The following RUFY1 variants were observed in gnomAD, a reference collection of about 807,000 sequenced individuals.
RUFY1 encodes RUN and FYVE domain containing 1.
RUFY1 carries 54 observed loss-of-function variants against 94.6 expected under a neutral mutation model. The ratio of observed to expected loss-of-function variants is 0.57; its 90% CI spans 0.46 to 0.72. The LOEUF (loss-of-function observed/expected upper bound fraction) is 0.72, where lower values mean the gene tolerates loss of function less well. RUFY1 is among the 30% of genes least tolerant of loss of function. The pLI is 0.00. For missense variants in RUFY1, 883 were observed against 883.9 expected (o/e 1.00, Z 0.01); for synonymous variants, 396 against 347.3 (o/e 1.14, Z -1.56).
chr5:179,605,406 G>C (rs1766960830), intron 15 of RUFY1, among the ~76,000 whole-genome samples: 1 of 152,126 alleles, frequency 6.6e-6, no homozygotes, highest in South Asian at 2.1e-4. Flanking sequence ...GAATTGTTCT[G>C]ACACTGAACA....
At chr5:179,579,444 C>T (rs1227735431) in intron 6 of RUFY1, among the ~76,000 whole-genome samples, 1 of 151,868 alleles carries the variant, frequency 6.6e-6, no homozygotes, top group African/African-American at 2.4e-5. Context: ...AATTCTCCTG[C>T]CTCAGCCTCC....
chr5:179,594,544 G>A (rs1439755467), intron 11 of RUFY1, among the ~76,000 whole-genome samples: 8 of 147,038 alleles, frequency 5.4e-5, no homozygotes, highest in East Asian at 2.1e-4. Flanking sequence ...GGCGGATCAC[G>A]ACGTCAGGTG....
chr5:179,599,741 G>C (rs1042832809), intron 14 of RUFY1: 8 of 152,508 alleles, frequency 5.2e-5, no homozygotes, highest in Non-Finnish European at 7.3e-5. Flanking sequence ...CCCACGTGGG[G>C]ATGGCGTGCC....
In RUFY1 at chr5:179,554,070, C is replaced by T. The variant is rs77931209; in HGVS notation, c.310+3191C>T. On this transcript the variant is annotated intron_variant, in intron 1 of 17. Transcript: ENST00000319449. ...CAGCCAGGGCCAGGCCCAAGGCTGACTCATTCTCTTTCCCCACTGATCTGC... is the reference window on the plus strand; with the variant it reads ...CAGCCAGGGCCAGGCCCAAGGCTGATTCATTCTCTTTCCCCACTGATCTGC... 7.7e-3 allele frequency among the ~76,000 whole-genome samples: 1,173 copies of T among 152,316 alleles called. 19 individuals are homozygous for T. The highest frequency in any genetic ancestry group is 0.027 in the African/African-American group (1,111 of 41,574).
chr5:179,596,519 C>T (rs1371353120), intron 12 of RUFY1, 43 bp from the exon 13 acceptor site: 1 of 1,612,856 alleles, frequency 6.2e-7, no homozygotes, highest in South Asian at 1.1e-5. Flanking sequence ...CCTTTCCTTA[C>T]AAAGATTTGC....
intron 17 of RUFY1, among the ~76,000 whole-genome samples, chr5:179,608,920 CAA>C (rs57127812): frequency 2.7e-3 from 327 of 121,768 alleles, no homozygotes; most frequent in Admixed American, 4.6e-3. Flanking sequence ...GACAGAGACT[CAA>C]AAAAAAAAAA....
In RUFY1 at chr5:179,575,063, T is replaced by C. The variant is rs565403570; in HGVS notation, c.829-2012T>C. 4.6e-5 allele frequency among the ~76,000 whole-genome samples: 6 copies of C among 131,414 alleles called. No homozygotes were observed. In the East Asian group the frequency reaches 1.3e-3, roughly 29 times the overall value. The allele number at this position is 131,414 out of a possible 152,430, so 86.2% of individuals were successfully genotyped here. A position where few individuals can be genotyped will look rare whatever the true frequency, so the allele number is the denominator to read the frequency against. On this transcript the variant is annotated intron_variant, in intron 5 of 17. Coordinates refer to ENST00000319449, the MANE Select transcript of RUFY1 (RefSeq NM_025158.5). ...CCGCCCCAGCCGCAGTCCTCCTCCC[T>C]TTCCCACAGGTGATGGTAAAGATTC...
Position 179,593,552 on chromosome 5 carries a change from G to A in RUFY1, c.1320G>A (p.Lys440=). 1 of 1,614,134 alleles carries A rather than the reference G, an allele frequency of 6.2e-7. No homozygotes were observed. The highest frequency in any genetic ancestry group is 1.1e-5 in the South Asian group (1 of 91,080). ...AAATTGCAATGAAGTTACTGGAAAA[G>A]GACACCCACGAGAAGCAGGACACAC... ...EMEIAMKLLE[K]DTHEKQDTLV... is the part of the protein sequence containing the mutation. Residue 440 remains lysine, a synonymous_variant, in exon 11 of 18, where the codon AAG becomes AAA. Coordinates refer to ENST00000319449, the MANE Select transcript of RUFY1 (RefSeq NM_025158.5).
chr5:179,573,377 AAC>A (rs1487822292), intron 5 of RUFY1, among the ~76,000 whole-genome samples: 2 of 152,204 alleles, frequency 1.3e-5, no homozygotes, highest in African/African-American at 4.8e-5. Flanking sequence ...GTGTTCTTCA[AAC>A]ACACTATAGT....
chr5:179,566,832 G>T (rs1762866817), intron 3 of RUFY1, among the ~76,000 whole-genome samples: 1 of 152,104 alleles, frequency 6.6e-6, no homozygotes, highest in Non-Finnish European at 1.5e-5. Context: ...AAGGCAGCCT[G>T]ATCACTTGAG....
chr5:179,598,525 T>C lies in RUFY1; in HGVS notation c.1632-167T>C, dbSNP rs559415830. 2.6e-5 allele frequency among the ~76,000 whole-genome samples: 4 copies of C among 152,274 alleles called. No homozygotes were observed. The East Asian group carries it at 7.7e-4, about 29-fold the overall frequency. ...TTCTCTCCCTGGTTCCTGCTCTTTCTTGTGGAAGGGCAGGTGACCCTGGAG... is the reference window on the plus strand; with the variant it reads ...TTCTCTCCCTGGTTCCTGCTCTTTCCTGTGGAAGGGCAGGTGACCCTGGAG... On this transcript the variant is annotated intron_variant, in intron 13 of 17. Coordinates refer to ENST00000319449, the MANE Select transcript of RUFY1 (RefSeq NM_025158.5).
intron 3 of RUFY1, 24 bp from the exon 4 acceptor site, chr5:179,567,437 G>A: frequency 1.3e-6 from 2 of 1,572,560 alleles, no homozygotes; most frequent in Non-Finnish European, 1.8e-6. Context: ...TGCCACAATA[G>A]TTGATTCTCT....
intron 16 of RUFY1, 78 bp from the exon 17 acceptor site, chr5:179,607,504 G>C: frequency 2.6e-6 from 3 of 1,170,170 alleles, no homozygotes; most frequent in Middle Eastern, 1.9e-4. Flanking sequence ...AGGGACAATG[G>C]ATGTGGCCAG....
chr5:179,560,991 G>C (rs1183841999), intron 2 of RUFY1, among the ~76,000 whole-genome samples: 2 of 151,956 alleles, frequency 1.3e-5, no homozygotes, highest in Non-Finnish European at 2.9e-5. Context: ...CGGAAGGATC[G>C]CTTGAGCTCA....
chr5:179,594,317 A>G (rs1489831993), intron 11 of RUFY1, among the ~76,000 whole-genome samples: 1 of 149,512 alleles, frequency 6.7e-6, no homozygotes, highest in Non-Finnish European at 1.5e-5. Context: ...AAAAAAAAAA[A>G]GTCATTTAGT....
chr5:179,599,782 T>A (rs1766147592), intron 14 of RUFY1: 1 of 152,360 alleles, frequency 6.6e-6, no homozygotes, highest in Non-Finnish European at 1.5e-5. Context: ...TGCCGAGCGC[T>A]GCAGGAAAAC....
chr5:179,585,726 C>A, intron 7 of RUFY1, 70 bp from the exon 8 acceptor site: 1 of 1,141,030 alleles, frequency 8.8e-7, no homozygotes, highest in Non-Finnish European at 1.3e-6. Context: ...ATCTCTCTTA[C>A]TGTTTACAGA....
intron 8 of RUFY1, chr5:179,586,289 C>T: frequency 2.2e-6 from 1 of 458,940 alleles, no homozygotes; most frequent in Non-Finnish European, 4.4e-6. Flanking sequence ...GAGCATGCAA[C>T]CAGCCTCCCC....
intron 1 of RUFY1, chr5:179,559,814 G>T (rs961552403): frequency 2.0e-5 from 27 of 1,327,136 alleles, no homozygotes; most frequent in Non-Finnish European, 2.5e-5. Flanking sequence ...TGGCTCTTCT[G>T]ACCCAAGGCC....
Sources: allele counts gnomAD v4.1 joint callset (sites outside exome capture counted in the v4.1 genomes callset), GRCh38; gene constraint gnomAD v4.1.1; transcripts MANE v1.5; gene names NCBI Gene and HGNC (gene_info 2026-07-23, HGNC 2026-07-21).